Variants in MAP4K3 observed in about 807,000 individuals in gnomAD.
The protein encoded by MAP4K3 is MAPK/ERK kinase kinase kinase 3.
A neutral mutation model predicts 143.5 loss-of-function variants in MAP4K3; 94 were observed. The ratio of observed to expected loss-of-function variants is 0.65; its 90% confidence interval spans 0.55 to 0.78. The LOEUF (loss-of-function observed/expected upper bound fraction) is 0.78. Among genes scored for constraint, MAP4K3 ranks in the 30% least tolerant of loss-of-function variants. The probability of loss-of-function intolerance (pLI) is 0.00; values close to 1 mark genes in which losing one functional copy is unlikely to be tolerated. For missense variants in MAP4K3, 1,077 were observed against 1,068.1 expected (o/e 1.01, Z -0.12); for synonymous variants, 416 against 347.2 (o/e 1.20, Z -2.20).
At chr2:39,429,703 T>C (rs1480187650) in intron 1 of MAP4K3, among the ~76,000 whole-genome samples, 1 of 152,216 alleles carries the variant, frequency 6.6e-6, no homozygotes, top group Admixed American at 6.5e-5. Context: ...TATATTTAAC[T>C]TGAAAAGCTG....
intron 12 of MAP4K3, among the ~76,000 whole-genome samples, chr2:39,316,280 G>A (rs994493155): frequency 6.6e-6 from 1 of 151,982 alleles, no homozygotes; most frequent in Non-Finnish European, 1.5e-5. Flanking sequence ...GATTTGTCAA[G>A]GGCTCCAACA....
intron 1 of MAP4K3, among the ~76,000 whole-genome samples, chr2:39,392,538 T>G (rs1007233838): frequency 6.6e-6 from 1 of 152,218 alleles, no homozygotes; most frequent in Non-Finnish European, 1.5e-5. Flanking sequence ...CAAGAATTCC[T>G]GACACTGAAT....
At position 39,319,689 on chromosome 2, in the gene MAP4K3, G is replaced by A. The variant is rs116791815; in HGVS notation, c.919-4301C>T. 3.6e-3 allele frequency among the ~76,000 whole-genome samples: 555 copies of A among 152,236 alleles called. 5 individuals are homozygous for A. Among genetic ancestry groups the A allele is most frequent in the African/African-American group, 0.013 (531 of 41,546 alleles). On this transcript the variant is annotated intron_variant, in intron 12 of 33. Coordinates refer to ENST00000263881, the MANE Select transcript of MAP4K3 (RefSeq NM_003618.4). ...CTACTATATAAATGTCATATGGTGA[G>A]CTATTATTTAATGTAAGAAGAATCC...
chr2:39,350,491 G>C (rs1274550344), intron 3 of MAP4K3, among the ~76,000 whole-genome samples: 5 of 152,118 alleles, frequency 3.3e-5, no homozygotes, highest in African/African-American at 1.2e-4. Flanking sequence ...GAGTAGCTGG[G>C]TATAAAGTGA....
intron 3 of MAP4K3, among the ~76,000 whole-genome samples, chr2:39,351,311 T>C (rs1283634972): frequency 6.6e-6 from 1 of 152,242 alleles, no homozygotes; most frequent in Non-Finnish European, 1.5e-5. Context: ...CTACCAATCT[T>C]TTAACACCCA....
intron 1 of MAP4K3, among the ~76,000 whole-genome samples, chr2:39,432,331 C>A (rs1665317183): frequency 6.6e-6 from 1 of 152,120 alleles, no homozygotes; most frequent in Non-Finnish European, 1.5e-5. Flanking sequence ...GTCAGAAAAC[C>A]TGTTTGTTTT....
At chr2:39,419,248 A>T (rs1405476213) in intron 1 of MAP4K3, among the ~76,000 whole-genome samples, 3 of 152,188 alleles carry the variant, frequency 2.0e-5, no homozygotes, top group African/African-American at 7.2e-5. Flanking sequence ...AGTGTTAAAA[A>T]AAAACTAGAT....
intron 1 of MAP4K3, among the ~76,000 whole-genome samples, chr2:39,406,465 G>C (rs2148613333): frequency 6.6e-6 from 1 of 152,228 alleles, no homozygotes; most frequent in South Asian, 2.1e-4. Context: ...CAAGGATAAA[G>C]AAAAGACTCT....
At chr2:39,328,399 A>T (rs556887027) in intron 8 of MAP4K3, among the ~76,000 whole-genome samples, 1 of 152,302 alleles carries the variant, frequency 6.6e-6, no homozygotes, top group African/African-American at 2.4e-5. Flanking sequence ...TAGAAAGGCA[A>T]ATTTCTAAAG....
rs1683477867 is a variant in MAP4K3 at position 39,325,964 on chromosome 2, G to GA, written c.663-4dup. 5 of 1,588,334 alleles carry GA rather than the reference G, an allele frequency of 3.1e-6. No homozygotes were observed. The highest frequency in any genetic ancestry group is 1.7e-4 in the Middle Eastern group (1 of 5,960). On this transcript the variant is annotated splice_polypyrimidine_tract_variant and splice_region_variant and intron_variant, in intron 9 of 33. Transcript: ENST00000263881. Reference sequence around the variant, plus strand: ...TTTTTGTCATTAGAAATAATGCTCTGAAAAATCAACAAATCATTACACAGC... The same window carrying GA: ...TTTTTGTCATTAGAAATAATGCTCTGAAAAAATCAACAAATCATTACACAGC...
intron 1 of MAP4K3, among the ~76,000 whole-genome samples, chr2:39,410,727 A>G (rs1003611702): frequency 2.0e-5 from 3 of 152,218 alleles, no homozygotes; most frequent in African/African-American, 7.2e-5. Context: ...CAACATTTCC[A>G]AGTTTTGAAA....
rs1489134029 is a variant in MAP4K3 at position 39,354,983 on chromosome 2, A to C, written c.245+1266T>G. Reference sequence around the variant, plus strand: ...GGGAAGGCCAGGCAGGATGACTCACACCTGTAATTTCAGCATTTTGGATCA... The same window carrying C: ...GGGAAGGCCAGGCAGGATGACTCACCCCTGTAATTTCAGCATTTTGGATCA... On this transcript the variant is annotated intron_variant, in intron 3 of 33. Coordinates refer to ENST00000263881, the MANE Select transcript of MAP4K3 (RefSeq NM_003618.4). Among the ~76,000 whole-genome samples the C allele has an allele frequency of 5.9e-5, 9 of 152,072 alleles. No homozygotes were observed. The East Asian group carries it at 1.5e-3, about 26-fold the overall frequency.
chr2:39,331,804 G>A, intron 8 of MAP4K3, 113 bp downstream of exon 8: 1 of 571,526 alleles, frequency 1.7e-6, no homozygotes, highest in Non-Finnish European at 3.0e-6. Context: ...TTTGCCTGTT[G>A]ATGACTTTTT....
intron 1 of MAP4K3, among the ~76,000 whole-genome samples, chr2:39,408,364 G>C (rs1199642835): frequency 6.6e-6 from 1 of 152,068 alleles, no homozygotes; most frequent in Non-Finnish European, 1.5e-5. Context: ...ATCTAGATCA[G>C]GGGGTCATAA....
At chr2:39,275,180 ATGGGTGC>A (rs1157226683) in intron 24 of MAP4K3, among the ~76,000 whole-genome samples, 3 of 152,198 alleles carry the variant, frequency 2.0e-5, no homozygotes, top group African/African-American at 7.2e-5. Context: ...GGTGTGGTTG[ATGGGTGC>A]CTTCTCTCAA....
At chr2:39,419,981 C>G (rs895159952) in intron 1 of MAP4K3, among the ~76,000 whole-genome samples, 25 of 152,200 alleles carry the variant, frequency 1.6e-4, no homozygotes, top group African/African-American at 6.0e-4. Flanking sequence ...CATATCCCAT[C>G]TGACTTTCCT....
Position 39,423,183 on chromosome 2 carries a change from T to C in MAP4K3, c.96+13709A>G, listed in dbSNP as rs78244373. 3.6e-3 allele frequency among the ~76,000 whole-genome samples: 555 copies of C among 152,298 alleles called. 5 individuals are homozygous for C. Among genetic ancestry groups the C allele is most frequent in the African/African-American group, 0.013 (531 of 41,564 alleles). On this transcript the variant is annotated intron_variant, in intron 1 of 33. Transcript: ENST00000263881. The stretch of plus-strand genomic sequence containing the variant: ...GCATAGGAAAAGATGACCAACATCA[T>C]ATACCATTAGGGACAGCAAATTAAA...
intron 3 of MAP4K3, among the ~76,000 whole-genome samples, chr2:39,346,491 A>G (rs1214367640): frequency 6.6e-6 from 1 of 152,198 alleles, no homozygotes; most frequent in Non-Finnish European, 1.5e-5. Context: ...CTCTCCCAGC[A>G]TATCACTTTA....
intron 3 of MAP4K3, among the ~76,000 whole-genome samples, chr2:39,348,738 C>T (rs1665367739): frequency 6.6e-6 from 1 of 151,946 alleles, no homozygotes. Context: ...AATTATTTAT[C>T]TTATAAGAAA....
Sources: gnomAD v4.1 joint callset for allele counts (sites outside exome capture counted in the v4.1 genomes callset) on GRCh38, gnomAD v4.1.1 for gene constraint, MANE v1.5 for transcripts, NCBI Gene and HGNC (gene_info 2026-07-23, HGNC 2026-07-21) for gene names.